The following SPTA1 variants were observed in gnomAD, a reference collection of about 807,000 sequenced individuals.
SPTA1 encodes the protein spectrin alpha chain, erythrocytic 1.
SPTA1 carries 177 observed loss-of-function variants against 324.7 expected under a neutral mutation model. The observed-to-expected ratio is 0.55, with a 90% CI of 0.48 to 0.62. SPTA1 has a LOEUF of 0.62. Ranked by LOEUF, SPTA1 falls within the 20% of genes least tolerant of loss-of-function variation. The pLI is 0.00. For synonymous variants in SPTA1, 1,195 were observed against 1,041.3 expected, an observed-to-expected ratio of 1.15 and a Z score of -2.84; for missense variants, 3,162 against 2,883.6, an observed-to-expected ratio of 1.10 and a Z score of -2.21.
chr1:158,637,833 A>C (rs1651198899), intron 36 of SPTA1, among the ~76,000 whole-genome samples, 200 bp downstream of exon 36: 1 of 152,176 alleles, frequency 6.6e-6, no homozygotes, highest in Non-Finnish European at 1.5e-5. Context: ...CTTCCTCCAC[A>C]CCTGTCTTTC....
chr1:158,683,533 C>T (rs1654958055), intron 2 of SPTA1, 37 bp from the exon 3 acceptor site: 1 of 1,610,524 alleles, frequency 6.2e-7, no homozygotes, highest in East Asian at 2.3e-5. Flanking sequence ...TCTAATGAAG[C>T]ACAGTCTTCA....
chr1:158,620,481 AAAAG>A lies in SPTA1; in HGVS notation c.6121-19_6121-16del. On this transcript the variant is annotated splice_polypyrimidine_tract_variant and intron_variant, in intron 43 of 51. Coordinates refer to ENST00000643759, the MANE Select transcript of SPTA1 (RefSeq NM_003126.4). Reference sequence around the variant, plus strand: ...AGGTCCTCAGCCTGCAGAGAGAAAAAAAAGACACTACCATCTTTCCTGATAAAGC... The same window carrying A: ...AGGTCCTCAGCCTGCAGAGAGAAAAAACACTACCATCTTTCCTGATAAAGC... 1.2e-6 allele frequency: 2 copies of A among 1,612,380 alleles called. No homozygotes were observed. Among genetic ancestry groups the A allele is most frequent in the Admixed American group, 3.3e-5 (2 of 60,022 alleles).
Position 158,654,675 on chromosome 1 carries a change from C to A in SPTA1, c.2972G>T (p.Arg991Leu), listed in dbSNP as rs575689513. Residue 991 changes from arginine to leucine, a missense_variant, in exon 21 of 52, where the codon CGC (arginine) becomes CTC (leucine). Arg to Leu is a moderately radical substitution (Grantham distance 102). Coordinates refer to ENST00000643759, the MANE Select transcript of SPTA1 (RefSeq NM_003126.4). The part of the protein sequence containing the change: ...RVMALYDFQA[R>L]SPREVTMKKG... Reference sequence around the variant, plus strand: ...CTTCATGGTGACTTCTCGGGGGCTGCGGGCCTGGAAGTCATATAAAGCCAT... The same window carrying A: ...CTTCATGGTGACTTCTCGGGGGCTGAGGGCCTGGAAGTCATATAAAGCCAT... 4.3e-6 allele frequency: 7 copies of A among 1,613,774 alleles called. No individual in the cohort carries two copies. Among genetic ancestry groups the A allele is most frequent in the Middle Eastern group, 1.7e-4 (1 of 6,060 alleles).
intron 46 of SPTA1, 81 bp from the exon 47 acceptor site, chr1:158,617,669 C>T (rs1387140898): frequency 7.5e-7 from 1 of 1,330,342 alleles, no homozygotes; most frequent in African/African-American, 1.4e-5. Flanking sequence ...CGAAGCTCCT[C>T]TGTTTCAACT....
intron 25 of SPTA1, 75 bp from the exon 26 acceptor site, chr1:158,648,728 G>T: frequency 6.5e-7 from 1 of 1,549,958 alleles, no homozygotes; most frequent in Non-Finnish European, 8.8e-7. Flanking sequence ...TCACAAGAAA[G>T]TTATCATCAC....
At chr1:158,661,665 A>C (rs896626412) in intron 17 of SPTA1, among the ~76,000 whole-genome samples, 3 of 152,220 alleles carry the variant, frequency 2.0e-5, no homozygotes, top group African/African-American at 7.2e-5. Flanking sequence ...TTGTTGAAAG[A>C]TAGGTATGAA....
chr1:158,639,846 T>C (rs771471844), intron 34 of SPTA1, 24 bp downstream of exon 34: 80 of 1,613,838 alleles, frequency 5.0e-5, no homozygotes, highest in Non-Finnish European at 6.1e-5. Flanking sequence ...CTCTTGTGTC[T>C]CTACTGTTTC....
chr1:158,643,140 A>G lies in SPTA1; in HGVS notation c.4443-164T>C, dbSNP rs1389297061. On this transcript the variant is annotated intron_variant, in intron 31 of 51. Coordinates refer to ENST00000643759, the MANE Select transcript of SPTA1 (RefSeq NM_003126.4). ...GCTAAAGCCAGTTAATTTCTAAGGT[A>G]TCTTTCATCTTTCATGTCTTTCATT... Among the ~76,000 whole-genome samples, 3 of 152,174 alleles carry G rather than the reference A, an allele frequency of 2.0e-5. No homozygotes were observed. In the East Asian group the frequency reaches 5.8e-4, roughly 29 times the overall value.
chr1:158,662,883 A>G lies in SPTA1; in HGVS notation c.2283T>C (p.Ser761=), dbSNP rs1653336840. The change falls in exon 17 of 52, where the codon TCT becomes TCC. Residue 761 remains serine, a synonymous_variant. Coordinates refer to ENST00000643759, the MANE Select transcript of SPTA1 (RefSeq NM_003126.4). ...AYFEEIGHPD[S]KDIRARQESL... ...ACTCTTGCCTTGCCCTTATATCCTT[A>G]GAATCAGGATGGCCTATTTCTTCAA... is the stretch of plus-strand genomic sequence containing the variant. 9.3e-6 allele frequency: 15 copies of G among 1,614,136 alleles called. No homozygotes were observed. Among genetic ancestry groups the G allele is most frequent in the Non-Finnish European group, 1.3e-5 (15 of 1,179,988 alleles).
intron 10 of SPTA1, among the ~76,000 whole-genome samples, chr1:158,672,805 A>G (rs919820446): frequency 1.3e-5 from 2 of 152,110 alleles, no homozygotes; most frequent in Non-Finnish European, 2.9e-5. Flanking sequence ...CCGTCAAAAA[A>G]GCAGAATATG....
intron 2 of SPTA1, 145 bp downstream of exon 2, chr1:158,684,962 CT>C (rs1180134052): frequency 3.2e-6 from 3 of 941,566 alleles, no homozygotes; most frequent in Non-Finnish European, 4.9e-6. Context: ...ATTTCTTTAA[CT>C]TCCCACTCCA....
chr1:158,662,469 T>C (rs1159038424), intron 17 of SPTA1, among the ~76,000 whole-genome samples: 2 of 152,228 alleles, frequency 1.3e-5, no homozygotes, highest in Non-Finnish European at 2.9e-5. Context: ...AGCACTCTAC[T>C]CTTCCCAGGG....
rs372634442 is a variant in SPTA1, at chr1:158,626,168, A to T, written c.5888T>A (p.Phe1963Tyr). The T allele has an allele frequency of 6.2e-7, 1 of 1,613,800 alleles. No homozygotes were observed. The highest frequency in any genetic ancestry group is 8.5e-7 in the Non-Finnish European group (1 of 1,179,718). The stretch of plus-strand genomic sequence containing the variant: ...CACCTGTTTTGCCAGAAGAGTGAGG[A>T]AGTCACCAAGGTCTGCACCATTGCC... ...TNGNGADLGDFLTLLAKQDTL... is the reference protein window; with the variant it reads ...TNGNGADLGDYLTLLAKQDTL... The change falls in exon 42 of 52, where the codon TTC (phenylalanine) becomes TAC (tyrosine). Residue 1963 changes from phenylalanine to tyrosine, a missense_variant. By Grantham distance (22) the Phe-to-Tyr change is conservative (BLOSUM62 3). Coordinates refer to ENST00000643759, the MANE Select transcript of SPTA1 (RefSeq NM_003126.4).
chr1:158,631,633 G>T (rs1650683063), intron 39 of SPTA1, among the ~76,000 whole-genome samples: 1 of 151,992 alleles, frequency 6.6e-6, no homozygotes, highest in African/African-American at 2.4e-5. Flanking sequence ...ATAAAAATGA[G>T]CTAAGAAGTT....
chr1:158,639,808 T>C, intron 34 of SPTA1, 62 bp downstream of exon 34: 3 of 1,613,232 alleles, frequency 1.9e-6, no homozygotes, highest in Non-Finnish European at 1.7e-6. Flanking sequence ...CATGGGTAAA[T>C]TCATTTGTCT....
chr1:158,660,849 C>G (rs1653159825), intron 18 of SPTA1, among the ~76,000 whole-genome samples: 1 of 152,062 alleles, frequency 6.6e-6, no homozygotes, highest in South Asian at 2.1e-4. Flanking sequence ...GGTATTGAAA[C>G]TATATGAAGT....
intron 16 of SPTA1, 57 bp downstream of exon 16, chr1:158,666,259 T>C: frequency 6.4e-7 from 1 of 1,574,168 alleles, no homozygotes. Context: ...TAATAACGAG[T>C]GTGCTCAGAG....
intron 24 of SPTA1, 55 bp from the exon 25 acceptor site, chr1:158,650,002 G>A (rs1228878192): frequency 8.1e-7 from 1 of 1,232,134 alleles, no homozygotes; most frequent in African/African-American, 1.5e-5. Context: ...ACATGGCTCA[G>A]TGGCGTCTGA....
chr1:158,681,405 A>G, intron 4 of SPTA1, 122 bp downstream of exon 4: 2 of 1,527,702 alleles, frequency 1.3e-6, no homozygotes, highest in Admixed American at 1.7e-5. Context: ...CTCTTGTTCC[A>G]AAGAACAAAG....
Sources: gnomAD v4.1 joint callset for allele counts (sites outside exome capture counted in the v4.1 genomes callset) on GRCh38, gnomAD v4.1.1 for gene constraint, MANE v1.5 for transcripts, NCBI Gene and HGNC (gene_info 2026-07-23, HGNC 2026-07-21) for gene names.